The following RGS17 variants were observed in gnomAD, a reference collection of about 807,000 sequenced individuals.
RGS17 encodes regulator of G-protein signaling 17.
RGS17 carries 12 observed loss-of-function variants against 25.5 expected under a neutral mutation model. That is an observed-to-expected ratio of 0.47 (90% CI 0.30 to 0.76). The LOEUF (loss-of-function observed/expected upper bound fraction) is 0.76. Among genes scored for constraint, RGS17 ranks in the 30% least tolerant of loss-of-function variants. The probability of loss-of-function intolerance (pLI) is 0.07; values close to 1 mark genes in which losing one functional copy is unlikely to be tolerated. For missense variants in RGS17, 196 were observed against 242.2 expected (o/e 0.81, Z 1.27); for synonymous variants, 71 against 76.9 (o/e 0.92, Z 0.40).
chr6:153,015,900 G>A (rs1779178616), intron 4 of RGS17, among the ~76,000 whole-genome samples: 1 of 152,074 alleles, frequency 6.6e-6, no homozygotes, highest in South Asian at 2.1e-4. Context: ...TGATCTGCCT[G>A]CCTCGGCCTC....
At chr6:153,038,163 A>C (rs1255945094) in intron 2 of RGS17, among the ~76,000 whole-genome samples, 1 of 152,212 alleles carries the variant, frequency 6.6e-6, no homozygotes, top group Non-Finnish European at 1.5e-5. Flanking sequence ...TGGGGTCAGC[A>C]GACCTCACCG....
intron 1 of RGS17, among the ~76,000 whole-genome samples, chr6:153,099,887 T>C (rs1219569247): frequency 3.9e-5 from 6 of 152,156 alleles, no homozygotes; most frequent in African/African-American, 1.4e-4. Context: ...AAATGTCACA[T>C]AGCGACTCTA....
chr6:153,017,885 T>C (rs1035518659), intron 4 of RGS17, among the ~76,000 whole-genome samples: 1 of 152,240 alleles, frequency 6.6e-6, no homozygotes, highest in Non-Finnish European at 1.5e-5. Flanking sequence ...CTGGAAATTT[T>C]CTTTTCTGCT....
At chr6:153,104,409 G>A (rs866293468) in intron 1 of RGS17, among the ~76,000 whole-genome samples, 1 of 152,278 alleles carries the variant, frequency 6.6e-6, no homozygotes, top group South Asian at 2.1e-4. Flanking sequence ...ACAGAGCCAG[G>A]AGTGAAACCC....
At chr6:153,052,636 G>C (rs1011830263) in intron 1 of RGS17, among the ~76,000 whole-genome samples, 4 of 148,328 alleles carry the variant, frequency 2.7e-5, no homozygotes, top group African/African-American at 1.0e-4. Context: ...ATGATAGTTA[G>C]ATAAGACTTT....
Position 153,130,244 on chromosome 6 carries a change from G to A in RGS17, c.-26+880C>T, listed in dbSNP as rs1777766615. Among the ~76,000 whole-genome samples, 1 of 152,200 alleles carries A rather than the reference G, an allele frequency of 6.6e-6. No homozygotes were observed. The highest frequency in any genetic ancestry group is 2.4e-5 in the African/African-American group (1 of 41,458). ...GAGGGACAGCAGGGAGGCTGGCGGG[G>A]AGGCAGAGATTAAACTATGATTCCA... On this transcript the variant is annotated intron_variant, in intron 1 of 4. Transcript: ENST00000206262. This position sits in a 1 kb window ranked among gnomAD's most constrained non-coding sequence, Gnocchi z 6.4.
At chr6:153,119,697 A>G (rs1777597117) in intron 1 of RGS17, among the ~76,000 whole-genome samples, 1 of 152,086 alleles carries the variant, frequency 6.6e-6, no homozygotes, top group Non-Finnish European at 1.5e-5. Flanking sequence ...CCATCTCAAA[A>G]AAGAAAAAAC....
At chr6:153,038,516 A>G (rs1776281115) in intron 2 of RGS17, among the ~76,000 whole-genome samples, 1 of 152,180 alleles carries the variant, frequency 6.6e-6, no homozygotes, top group Non-Finnish European at 1.5e-5. Flanking sequence ...TACTCTGGAA[A>G]TCTTGTGCAG....
intron 1 of RGS17, among the ~76,000 whole-genome samples, chr6:153,124,797 C>T (rs1419916550): frequency 6.6e-6 from 1 of 152,034 alleles, no homozygotes; most frequent in East Asian, 1.9e-4. Context: ...TTTCAAATAG[C>T]AAACTTTCAA....
chr6:153,045,045 G>A (rs1776371006), intron 1 of RGS17, among the ~76,000 whole-genome samples: 1 of 152,090 alleles, frequency 6.6e-6, no homozygotes, highest in Non-Finnish European at 1.5e-5. Flanking sequence ...ACTATAAAGT[G>A]CTTCAGGTTA....
intron 1 of RGS17, among the ~76,000 whole-genome samples, chr6:153,106,550 C>G (rs1777388193): frequency 6.6e-6 from 1 of 151,064 alleles, no homozygotes; most frequent in African/African-American, 2.4e-5. Context: ...TCACTAAGTT[C>G]ACTGTTTTGT....
intron 2 of RGS17, among the ~76,000 whole-genome samples, chr6:153,026,961 T>C (rs1224163693): frequency 6.6e-6 from 1 of 152,192 alleles, no homozygotes; most frequent in Non-Finnish European, 1.5e-5. Context: ...TTTCCATTAA[T>C]TTTCCCCGAT....
chr6:153,028,290 G>C (rs1424303859), intron 2 of RGS17, among the ~76,000 whole-genome samples: 2 of 152,194 alleles, frequency 1.3e-5, no homozygotes, highest in Non-Finnish European at 2.9e-5. Flanking sequence ...AGAAACTAGA[G>C]TGGATGGTCC....
At position 153,029,740 on chromosome 6, in the gene RGS17, G is replaced by A. The variant is rs369998649; in HGVS notation, c.120-3197C>T. Among the ~76,000 whole-genome samples, 47 of 152,056 alleles carry A rather than the reference G, an allele frequency of 3.1e-4. 1 individual carries two copies. The highest frequency in any genetic ancestry group is 2.5e-3 in the Admixed American group (38 of 15,278). ...TGAGTAGCTGGGATTACAGGCACCCGCCACCATGCCCAGCTAATTTTTGTA... is the reference window on the plus strand; with the variant it reads ...TGAGTAGCTGGGATTACAGGCACCCACCACCATGCCCAGCTAATTTTTGTA... On this transcript the variant is annotated intron_variant, in intron 2 of 4. Transcript: ENST00000206262.
chr6:153,025,260 TATTACC>T (rs1473821957), intron 3 of RGS17, among the ~76,000 whole-genome samples: 1 of 151,940 alleles, frequency 6.6e-6, no homozygotes, highest in African/African-American at 2.4e-5. Context: ...TACAGTGAGC[TATTACC>T]ATCCCATTGC....
At chr6:153,116,245 A>G (rs576262273) in intron 1 of RGS17, among the ~76,000 whole-genome samples, 1 of 152,350 alleles carries the variant, frequency 6.6e-6, no homozygotes, top group East Asian at 1.9e-4. Context: ...AAACAACCCC[A>G]TCAAAAAGTG....
At chr6:153,021,680 C>T (rs1030890269) in intron 4 of RGS17, among the ~76,000 whole-genome samples, 16 of 152,212 alleles carry the variant, frequency 1.1e-4, no homozygotes, top group African/African-American at 3.4e-4. Context: ...AATTACAAGT[C>T]GGCAAAATTA....
intron 1 of RGS17, among the ~76,000 whole-genome samples, chr6:153,064,326 A>G (rs1441485137): frequency 6.6e-6 from 1 of 152,140 alleles, no homozygotes; most frequent in Non-Finnish European, 1.5e-5. Context: ...AATAGAAACA[A>G]AAAGTTAAAA....
intron 3 of RGS17, 52 bp from the exon 4 acceptor site, chr6:153,024,548 TGCTAGACCAG>T: frequency 7.6e-7 from 1 of 1,314,056 alleles, no homozygotes; most frequent in Non-Finnish European, 1.1e-6. Context: ...GACCAGTGAA[TGCTAGACCAG>T]GTAAGGAGAG....
Sources: allele counts gnomAD v4.1 joint callset (sites outside exome capture counted in the v4.1 genomes callset), GRCh38; gene constraint gnomAD v4.1.1; non-coding constraint Gnocchi (gnomAD v3.1); transcripts MANE v1.5; gene names NCBI Gene and HGNC (gene_info 2026-07-23, HGNC 2026-07-21).